The following RTTN variants were observed in gnomAD, a reference collection of about 807,000 sequenced individuals.
RTTN encodes the protein rotatin.
A neutral mutation model predicts 269.2 loss-of-function variants in RTTN; 182 were observed. The ratio of observed to expected loss-of-function variants is 0.68; its 90% CI spans 0.60 to 0.76. The LOEUF is 0.76. Ranked by LOEUF, RTTN falls within the 30% of genes least tolerant of loss-of-function variation. The pLI, the probability that RTTN is intolerant of heterozygous loss-of-function variation, is 0.00. For missense variants in RTTN, 2,545 were observed against 2,608.6 expected (o/e 0.98, Z 0.53); for synonymous variants, 1,006 against 963.5 (o/e 1.04, Z -0.82).
intron 8 of RTTN, 33 bp downstream of exon 8, chr18:70,193,250 GCATTT>G (rs1031904831): frequency 1.9e-6 from 3 of 1,542,666 alleles, no homozygotes; most frequent in Non-Finnish European, 1.8e-6. Context: ...AAGTTAACCG[GCATTT>G]CTCATTTCCC....
At chr18:70,007,041 A>G (rs898260638) in intron 46 of RTTN, 1 of 152,552 alleles carries the variant, frequency 6.6e-6, no homozygotes, top group Non-Finnish European at 1.5e-5. Context: ...TGATTTCTGC[A>G]TTTCCAACTG....
intron 27 of RTTN, among the ~76,000 whole-genome samples, chr18:70,110,733 G>T (rs751426348): frequency 6.6e-6 from 1 of 152,184 alleles, no homozygotes; most frequent in Non-Finnish European, 1.5e-5. Context: ...CTGGAAAGGG[G>T]TGCTGAAGCC....
chr18:70,061,085 CT>C (rs1488611652), intron 35 of RTTN, among the ~76,000 whole-genome samples: 3 of 151,674 alleles, frequency 2.0e-5, no homozygotes, highest in South Asian at 2.1e-4. Flanking sequence ...CGTCGATATA[CT>C]TTTTTTTTCT....
At chr18:70,139,741 T>C in intron 20 of RTTN, 25 bp from the exon 21 acceptor site, 1 of 1,364,868 alleles carries the variant, frequency 7.3e-7, no homozygotes, top group Non-Finnish European at 1.0e-6. Context: ...AAAACACAGC[T>C]TTTCATTTTC....
intron 30 of RTTN, among the ~76,000 whole-genome samples, chr18:70,089,763 G>GA (rs1186094852): frequency 6.6e-6 from 1 of 152,208 alleles, no homozygotes; most frequent in African/African-American, 2.4e-5. Context: ...AGTGTTTTGT[G>GA]AAAGGCAGAA....
chr18:70,173,878 T>C (rs1307512122), intron 11 of RTTN, among the ~76,000 whole-genome samples: 1 of 152,218 alleles, frequency 6.6e-6, no homozygotes, highest in East Asian at 1.9e-4. Flanking sequence ...TAGGCAACAA[T>C]AGTTATGAAC....
Position 70,194,392 on chromosome 18 carries a change from G to A in RTTN, c.842-939C>T, listed in dbSNP as rs1226668940. On this transcript the variant is annotated intron_variant, in intron 7 of 48. Coordinates refer to ENST00000640769, the MANE Select transcript of RTTN (RefSeq NM_173630.4). ...CAGCTGCTGTGGAAAATAGTTTGGT[G>A]ATTCTTCAAAAAGCTAAAGATAGAA... The A allele has an allele frequency of 2.6e-5, 4 of 152,186 alleles. No individual in the cohort carries two copies. The East Asian group carries it at 7.7e-4, about 29-fold the overall frequency. 9.4% of individuals were successfully genotyped at this position (152,186 alleles called of 1,614,324 possible).
At chr18:70,179,727 C>T (rs1247001425) in intron 10 of RTTN, among the ~76,000 whole-genome samples, 2 of 152,204 alleles carry the variant, frequency 1.3e-5, no homozygotes, top group Admixed American at 6.5e-5. Flanking sequence ...ACACAACTTA[C>T]ACACTACCTC....
chr18:70,198,166 C>T (rs560098749), intron 5 of RTTN, among the ~76,000 whole-genome samples: 2 of 152,236 alleles, frequency 1.3e-5, no homozygotes, highest in South Asian at 2.1e-4. Flanking sequence ...ACTGATCTTC[C>T]CCACTCAAGG....
chr18:70,073,844 T>A (rs569794318), intron 34 of RTTN, 62 bp downstream of exon 34: 1 of 1,183,826 alleles, frequency 8.4e-7, no homozygotes, highest in African/African-American at 1.5e-5. Context: ...ACTCTCCCAC[T>A]AGGCAAACTC....
chr18:70,088,894 GGAAA>G (rs2058769333), intron 30 of RTTN, among the ~76,000 whole-genome samples: 1 of 151,882 alleles, frequency 6.6e-6, no homozygotes, highest in Admixed American at 6.6e-5. Flanking sequence ...GGCTAAAACT[GGAAA>G]GAAATAATAC....
At chr18:70,164,476 A>C (rs1030723389) in intron 14 of RTTN, among the ~76,000 whole-genome samples, 24 of 151,900 alleles carry the variant, frequency 1.6e-4, no homozygotes, top group Non-Finnish European at 3.2e-4. Flanking sequence ...GGCCTTCCCA[A>C]ATGCTGGGAT....
intron 25 of RTTN, among the ~76,000 whole-genome samples, chr18:70,126,147 A>G (rs1357862516): frequency 1.3e-5 from 2 of 152,098 alleles, no homozygotes; most frequent in African/African-American, 4.8e-5. Context: ...AGTTACTGCT[A>G]TTGGGCAATT....
chr18:70,080,802 G>T (rs4312403), intron 32 of RTTN, among the ~76,000 whole-genome samples: 122,991 of 151,976 alleles, frequency 0.81, 53,966 homozygotes, highest in East Asian at 1. Context: ...CAGAGGAAAA[G>T]AAGTCATTAT....
intron 10 of RTTN, among the ~76,000 whole-genome samples, chr18:70,177,488 T>A (rs1325035425): frequency 6.6e-6 from 1 of 152,104 alleles, no homozygotes; most frequent in Non-Finnish European, 1.5e-5. Flanking sequence ...AGGTATACAT[T>A]AAATATGAAG....
intron 10 of RTTN, among the ~76,000 whole-genome samples, chr18:70,184,210 G>T (rs904715461): frequency 1.3e-5 from 2 of 152,150 alleles, no homozygotes; most frequent in Non-Finnish European, 2.9e-5. Flanking sequence ...ATACTCAAAT[G>T]TATAAGACCT....
chr18:70,055,122 G>A (rs768248155), intron 37 of RTTN, among the ~76,000 whole-genome samples: 2 of 152,132 alleles, frequency 1.3e-5, no homozygotes, highest in Admixed American at 6.5e-5. Flanking sequence ...GAATTTGCCT[G>A]ATGCTAATAT....
intron 11 of RTTN, among the ~76,000 whole-genome samples, chr18:70,169,316 TAC>T (rs2061075844): frequency 1.3e-5 from 2 of 152,186 alleles, no homozygotes; most frequent in Non-Finnish European, 2.9e-5. Flanking sequence ...AGATACTAAC[TAC>T]TTTCTTCTTC....
chr18:70,087,698 TG>T (rs1331017784), intron 31 of RTTN, among the ~76,000 whole-genome samples: 2 of 152,192 alleles, frequency 1.3e-5, no homozygotes, highest in Non-Finnish European at 2.9e-5. Context: ...CCATAAATGC[TG>T]AGATAATATA....
Sources: gnomAD v4.1 joint callset for allele counts (sites outside exome capture counted in the v4.1 genomes callset) on GRCh38, gnomAD v4.1.1 for gene constraint, MANE v1.5 for transcripts, NCBI Gene and HGNC (gene_info 2026-07-23, HGNC 2026-07-21) for gene names.